Variants in PLEKHG4 observed in about 807,000 individuals in gnomAD.
PLEKHG4 encodes the protein pleckstrin homology and RhoGEF domain containing G4, also known as puratrophin-1.
In PLEKHG4, 85 loss-of-function variants were observed where a neutral mutation model predicts 136.9. The observed-to-expected ratio is 0.62, with a 90% CI of 0.52 to 0.74. The LOEUF (loss-of-function observed/expected upper bound fraction) is 0.74, where lower values mean the gene tolerates loss of function less well. PLEKHG4 is among the 30% of genes least tolerant of loss of function. The pLI, the probability that PLEKHG4 is intolerant of heterozygous loss-of-function variation, is 0.00. For missense variants in PLEKHG4, 1,317 were observed against 1,527.8 expected (o/e 0.86, Z 2.30); for synonymous variants, 577 against 646.9 (o/e 0.89, Z 1.64).
chr16:67,281,694 C>A, intron 6 of PLEKHG4, 30 bp from the exon 7 acceptor site: 1 of 1,612,882 alleles, frequency 6.2e-7, no homozygotes, highest in Admixed American at 1.7e-5. Flanking sequence ...TCCCCCCAGG[C>A]CTGGGTCACA....
rs755071724 is a variant in PLEKHG4 at position 67,280,656 on chromosome 16, T to C, written c.500-55T>C. Reference sequence around the variant, plus strand: ...ACTCAGGCTGAAGCCCGGGTCCAAGTAGGGGTCTCTGGATAGGTGGTCCAA... The same window carrying C: ...ACTCAGGCTGAAGCCCGGGTCCAAGCAGGGGTCTCTGGATAGGTGGTCCAA... On this transcript the variant is annotated intron_variant, in intron 2 of 21. Transcript: ENST00000379344. This position sits in a 1 kb window ranked among gnomAD's most constrained non-coding sequence, Gnocchi z 4.4. 6 of 1,612,340 alleles carry C rather than the reference T, an allele frequency of 3.7e-6. No homozygotes were observed. In the East Asian group the frequency reaches 8.9e-5, roughly 24 times the overall value.
At chr16:67,287,403 CTCTCTT>C (rs1267105225) in intron 18 of PLEKHG4, among the ~76,000 whole-genome samples, 1 of 152,258 alleles carries the variant, frequency 6.6e-6, no homozygotes, top group Non-Finnish European at 1.5e-5. Flanking sequence ...ATGGCTCTCT[CTCTCTT>C]TATTTTTGGA....
chr16:67,277,920 T>A (rs1364491356), upstream of PLEKHG4: 3 of 152,324 alleles, frequency 2.0e-5, no homozygotes, highest in Non-Finnish European at 2.9e-5. Flanking sequence ...CTCCCCTGAA[T>A]CTGCCTGCTG....
Position 67,288,942 on chromosome 16 carries a change from C to T in PLEKHG4, c.*134C>T, listed in dbSNP as rs921280128. On this transcript the variant is annotated 3_prime_UTR_variant, in exon 22 of 22. Coordinates refer to ENST00000379344, the MANE Select transcript of PLEKHG4 (RefSeq NM_001129729.3). The stretch of plus-strand genomic sequence containing the variant: ...CTACATGTGCAACGCTGTTGACTAC[C>T]CTTTCTGATGTGTGTGGCCATTGGA... 1.8e-5 allele frequency: 18 copies of T among 1,001,922 alleles called. No homozygotes were observed. Among genetic ancestry groups the T allele is most frequent in the Non-Finnish European group, 2.6e-5 (17 of 645,972 alleles). The allele number at this position is 1,001,922 out of a possible 1,614,324, so 62.1% of individuals were successfully genotyped here. A position where few individuals can be genotyped will look rare whatever the true frequency, so the allele number is the denominator to read the frequency against.
Position 67,280,014 on chromosome 16 carries a change from C to A in PLEKHG4, c.-31C>A, listed in dbSNP as rs201596303. Reference sequence around the variant, plus strand: ...CTGAGACCCAGCCCTCTCCCGCTGGCCCCGAGCAGGCCCACCTTTAGGAGG... The same window carrying A: ...CTGAGACCCAGCCCTCTCCCGCTGGACCCGAGCAGGCCCACCTTTAGGAGG... On this transcript the variant is annotated 5_prime_UTR_variant, in exon 2 of 22. Transcript: ENST00000379344. This position sits in a 1 kb window ranked among gnomAD's most constrained non-coding sequence, Gnocchi z 4.4. 3 of 1,607,356 alleles carry A rather than the reference C, an allele frequency of 1.9e-6. No homozygotes were observed. The highest frequency in any genetic ancestry group is 2.5e-6 in the Non-Finnish European group (3 of 1,176,652).
chr16:67,279,982 G>A lies in PLEKHG4; in HGVS notation c.-63G>A, dbSNP rs150784595. On this transcript the variant is annotated 5_prime_UTR_variant, in exon 2 of 22. Coordinates refer to ENST00000379344, the MANE Select transcript of PLEKHG4 (RefSeq NM_001129729.3). ...GTCCCACTCGACTGTCTTCAGCGCG[G>A]TTCACACTGAGACCCAGCCCTCTCC... 7.8e-5 allele frequency: 121 copies of A among 1,554,466 alleles called. No individual in the cohort carries two copies. The African/African-American group carries it at 1.4e-3, about 18-fold the overall frequency.
In PLEKHG4 at chr16:67,289,178, C is replaced by T. The variant is rs1266293865; in HGVS notation, c.*370C>T. 2.2e-6 allele frequency: 1 copy of T among 462,316 alleles called. No individual in the cohort carries two copies. The highest frequency in any genetic ancestry group is 2.0e-5 in the African/African-American group (1 of 50,888). 28.6% of individuals were successfully genotyped at this position (462,316 alleles called of 1,614,324 possible). A position where few individuals can be genotyped will look rare whatever the true frequency, so the allele number is the denominator to read the frequency against. ...GGGTGCCCCCACCCCTCAGGAAGAA[C>T]ACAGGTGGGCTCCTAGCAGCTGATC... On this transcript the variant is annotated 3_prime_UTR_variant, in exon 22 of 22. Coordinates refer to ENST00000379344, the MANE Select transcript of PLEKHG4 (RefSeq NM_001129729.3).
chr16:67,284,971 C>T lies in PLEKHG4; in HGVS notation c.1951C>T (p.Pro651Ser), dbSNP rs752433877. ...GCTTGAGGCTTCACTGAAGCTACCA[C>T]CGGTGGGCAGCACAGCTAGCCTGTG... Reference protein sequence around the residue: ...QKLEASLKLPPVGSTASLCVS... With the variant: ...QKLEASLKLPSVGSTASLCVS... The change falls in exon 13 of 22, where the codon CCG (proline) becomes TCG (serine). Residue 651 changes from proline (P) to serine (S), a missense_variant. By Grantham distance (74) the Pro-to-Ser change is moderately conservative. Transcript: ENST00000379344. The surrounding 1 kb of genome is among the most constrained non-coding windows in gnomAD (Gnocchi z 4.4). 1.2e-6 allele frequency: 2 copies of T among 1,613,194 alleles called. No homozygotes were observed. The highest frequency in any genetic ancestry group is 1.7e-6 in the Non-Finnish European group (2 of 1,179,920).
At chr16:67,287,221 G>C (rs911578156) in intron 18 of PLEKHG4, 44 bp downstream of exon 18, 3 of 1,584,192 alleles carry the variant, frequency 1.9e-6, no homozygotes, top group East Asian at 2.2e-5. Flanking sequence ...CCTCACTGGA[G>C]AGCTTACATT....
rs187596992 is a variant in PLEKHG4 at position 67,288,929 on chromosome 16, C to T, written c.*121C>T. 138 of 1,075,790 alleles carry T rather than the reference C, an allele frequency of 1.3e-4. No homozygotes were observed. Among genetic ancestry groups the T allele is most frequent in the East Asian group, 4.6e-4 (18 of 39,088 alleles). 66.6% of individuals were successfully genotyped at this position (1,075,790 alleles called of 1,614,324 possible). A position where few individuals can be genotyped will look rare whatever the true frequency, so the allele number is the denominator to read the frequency against. ...GGCTACCTCCAACCTACATGTGCAA[C>T]GCTGTTGACTACCCTTTCTGATGTG... On this transcript the variant is annotated 3_prime_UTR_variant, in exon 22 of 22. Transcript: ENST00000379344.
rs1459120841 is a variant in PLEKHG4, at chr16:67,288,380, TG to T, written c.3437del (p.Gly1146AlafsTer6). ...GCAGCACTGGAGGCTGAGGCAGAGC[TG>T]GGCGGCCAGCCCTCTTTGAGTATGT... ...EEAALEAEAE[L>X]GGQPSLTAED... On this transcript the variant is annotated frameshift_variant, in exon 20 of 22. Coordinates refer to ENST00000379344, the MANE Select transcript of PLEKHG4 (RefSeq NM_001129729.3). LOFTEE classifies it high-confidence loss of function. 1.2e-6 allele frequency: 2 copies of T among 1,611,710 alleles called. No homozygotes were observed. The highest frequency in any genetic ancestry group is 2.7e-5 in the African/African-American group (2 of 74,936).
At position 67,281,100 on chromosome 16, in the gene PLEKHG4, A is replaced by G. The variant is rs1416533578; in HGVS notation, c.729A>G (p.Val243=). 2.5e-6 allele frequency: 4 copies of G among 1,614,000 alleles called. No individual in the cohort carries two copies. The highest frequency in any genetic ancestry group is 2.5e-6 in the Non-Finnish European group (3 of 1,179,968). The part of the protein sequence containing the change: ...LYLRSIPRPE[V]QALGLTVLVD... ...AAGCTCACCCCTTTAGGCCCGAAGT[A>G]CAGGCACTGGGACTGACAGTGCTAG... Residue 243 remains valine (V), a synonymous_variant, in exon 5 of 22, where the codon GTA becomes GTG. Transcript: ENST00000379344.
rs569629752 is a variant in PLEKHG4 at position 67,288,809 on chromosome 16, G to A, written c.*1G>A. On this transcript the variant is annotated 3_prime_UTR_variant, in exon 22 of 22. Transcript: ENST00000379344. ...GCCTGGCCTGGCCCTGCAGGTCTGA[G>A]CCCGGGACTGGACGAGCAGTAGATC... 5.0e-6 allele frequency: 8 copies of A among 1,613,760 alleles called. No individual in the cohort carries two copies. The East Asian group carries it at 1.6e-4, about 31-fold the overall frequency.
At position 67,285,518 on chromosome 16, in the gene PLEKHG4, C is replaced by G; in HGVS notation, c.2424C>G (p.Ala808=). 1 of 1,609,850 alleles carries G rather than the reference C, an allele frequency of 6.2e-7. No individual in the cohort carries two copies. The highest frequency in any genetic ancestry group is 8.5e-7 in the Non-Finnish European group (1 of 1,180,018). Residue 808 remains alanine, a synonymous_variant, in exon 14 of 22, where the codon GCC becomes GCG. Transcript: ENST00000379344. ...GCACCCGGCACCCACCACGAGTGGC[C>G]TATGCCTTCCTGCGCCATGTAAGCC... is the stretch of plus-strand genomic sequence containing the variant. ...EACTRHPPRV[A]YAFLRHRVQF...
At chr16:67,282,694 C>G (rs775335269) in intron 10 of PLEKHG4, 48 bp from the exon 11 acceptor site, 1 of 1,613,520 alleles carries the variant, frequency 6.2e-7, no homozygotes, top group South Asian at 1.1e-5. Context: ...ACGTGAGCCC[C>G]CAGTCCATAG....
upstream of PLEKHG4, chr16:67,278,628 G>A: frequency 6.6e-6 from 1 of 152,416 alleles, no homozygotes; most frequent in Non-Finnish European, 1.5e-5. Flanking sequence ...TGAAATGAGG[G>A]GGCAGGGCAC....
At position 67,286,882 on chromosome 16, in the gene PLEKHG4, C is replaced by T. The variant is rs2036498031; in HGVS notation, c.2888C>T (p.Thr963Ile). 2 of 1,613,944 alleles carry T rather than the reference C, an allele frequency of 1.2e-6. No homozygotes were observed. The highest frequency in any genetic ancestry group is 2.7e-5 in the African/African-American group (2 of 74,946). ...TTCAGCAAGCCTCGCCATGGGCCCACAGGGGTTGACACATTTGCCTACAAG... is the reference window on the plus strand; with the variant it reads ...TTCAGCAAGCCTCGCCATGGGCCCATAGGGGTTGACACATTTGCCTACAAG... ...LLFSKPRHGP[T>I]GVDTFAYKRS... The change falls in exon 17 of 22, where the codon ACA becomes ATA. Residue 963 changes from threonine to isoleucine, a missense_variant. Thr to Ile is a moderately conservative substitution (Grantham distance 89). Transcript: ENST00000379344.
In PLEKHG4 at chr16:67,282,573, A is replaced by G; in HGVS notation, c.1324A>G (p.Ser442Gly). Residue 442 changes from serine to glycine, a missense_variant, in exon 10 of 22, where the codon AGC (serine) becomes GGC (glycine). Coordinates refer to ENST00000379344, the MANE Select transcript of PLEKHG4 (RefSeq NM_001129729.3). Reference sequence around the variant, plus strand: ...ATTGCTGCACCAACTGACCCTGCAGAGCAACCAGCGAATACAGGCCCTAGA... The same window carrying G: ...ATTGCTGCACCAACTGACCCTGCAGGGCAACCAGCGAATACAGGCCCTAGA... The part of the protein sequence containing the change: ...DGLLHQLTLQ[S>G]NQRIQALELV... 7 of 1,614,148 alleles carry G rather than the reference A, an allele frequency of 4.3e-6. No individual in the cohort carries two copies. The highest frequency in any genetic ancestry group is 5.9e-6 in the Non-Finnish European group (7 of 1,180,040).
At position 67,285,377 on chromosome 16, in the gene PLEKHG4, GC is replaced by G. The variant is rs1567439008; in HGVS notation, c.2284del (p.Leu762TrpfsTer73). 6 of 1,614,118 alleles carry G rather than the reference GC, an allele frequency of 3.7e-6. No individual in the cohort carries two copies. The highest frequency in any genetic ancestry group is 5.1e-6 in the Non-Finnish European group (6 of 1,180,058). ...ACACTATGGAGAACTATTTCCCCGA[GC>G]TGGATCGCCCCGATGTGCCCCAGGG... ...EYTMENYFPELDRPDVPQGLR... is the reference protein window; with the variant it reads ...EYTMENYFPEXDRPDVPQGLR... On this transcript the variant is annotated frameshift_variant, in exon 14 of 22. Transcript: ENST00000379344. LOFTEE classifies it high-confidence loss of function.
Sources: allele counts gnomAD v4.1 joint callset (sites outside exome capture counted in the v4.1 genomes callset), GRCh38; gene constraint gnomAD v4.1.1; non-coding constraint Gnocchi (gnomAD v3.1); transcripts MANE v1.5; gene names NCBI Gene and HGNC (gene_info 2026-07-23, HGNC 2026-07-21).